The following EIF2AK3 variants were observed in gnomAD, a reference collection of about 807,000 sequenced individuals.
EIF2AK3 encodes the protein eukaryotic translation initiation factor 2 alpha kinase 3.
A neutral mutation model predicts 113.5 loss-of-function variants in EIF2AK3; 50 were observed. The observed-to-expected ratio is 0.44, with a 90% confidence interval of 0.35 to 0.56. EIF2AK3 has a LOEUF of 0.56. Among genes scored for constraint, EIF2AK3 ranks in the 20% least tolerant of loss-of-function variants. The pLI is 0.00. For synonymous variants in EIF2AK3, 448 were observed against 495.4 expected (o/e 0.90, Z 1.27); for missense variants, 1,185 against 1,378.0 (o/e 0.86, Z 2.22).
intron 1 of EIF2AK3, among the ~76,000 whole-genome samples, chr2:88,620,546 C>CATT (rs957554391): frequency 4.5e-4 from 68 of 152,038 alleles, no homozygotes; most frequent in African/African-American, 1.6e-3. Flanking sequence ...ATTTAATTTC[C>CATT]ATTAGGTTAT....
intron 1 of EIF2AK3, among the ~76,000 whole-genome samples, chr2:88,616,707 G>T (rs374984591): frequency 2.6e-4 from 40 of 152,266 alleles, no homozygotes; most frequent in African/African-American, 9.1e-4. Flanking sequence ...GATTACAGGT[G>T]TGATCCCACC....
At chr2:88,565,256 G>A (rs973882503) in intron 14 of EIF2AK3, among the ~76,000 whole-genome samples, 2 of 151,304 alleles carry the variant, frequency 1.3e-5, no homozygotes, top group African/African-American at 4.9e-5. Context: ...GGCTGGTCTC[G>A]AACTCCTGAC....
At position 88,595,633 on chromosome 2, in the gene EIF2AK3, G is replaced by C; in HGVS notation, c.469C>G (p.Leu157Val). ...TCCCACTGGAAGAGGGCTCCATCCAGGGAAGGAATGATCATCTTATTCCCA... is the reference window on the plus strand; with the variant it reads ...TCCCACTGGAAGAGGGCTCCATCCACGGAAGGAATGATCATCTTATTCCCA... ...VFGNKMIIPS[L>V]DGALFQWDQD... The change falls in exon 3 of 17, where the codon CTG becomes GTG. Residue 157 changes from leucine (L) to valine (V), a missense_variant. Physicochemically the swap from Leu to Val is conservative, Grantham distance 32. This residue lies in a region of EIF2AK3 where 119 missense variants were observed against 178.7 expected (regional missense o/e 0.67). Coordinates refer to ENST00000303236, the MANE Select transcript of EIF2AK3 (RefSeq NM_004836.7). The C allele has an allele frequency of 6.2e-7, 1 of 1,613,944 alleles. No individual in the cohort carries two copies. Among genetic ancestry groups the C allele is most frequent in the Non-Finnish European group, 8.5e-7 (1 of 1,179,914 alleles).
At chr2:88,603,100 GC>G (rs1217340219) in intron 2 of EIF2AK3, among the ~76,000 whole-genome samples, 1 of 152,132 alleles carries the variant, frequency 6.6e-6, no homozygotes, top group African/African-American at 2.4e-5. Context: ...TGGGGCAACA[GC>G]ACACATCCAA....
intron 8 of EIF2AK3, among the ~76,000 whole-genome samples, 186 bp downstream of exon 8, chr2:88,587,796 G>T (rs1227272484): frequency 6.6e-6 from 1 of 152,086 alleles, no homozygotes; most frequent in Non-Finnish European, 1.5e-5. Flanking sequence ...GCCCAACCTA[G>T]CATGTGGCAA....
intron 2 of EIF2AK3, among the ~76,000 whole-genome samples, chr2:88,597,030 G>A (rs889344643): frequency 1.3e-5 from 2 of 152,132 alleles, no homozygotes; most frequent in African/African-American, 4.8e-5. Context: ...ACAGGAATAC[G>A]AGAGAAGTAA....
At chr2:88,560,024 C>T (rs1673903202) in intron 15 of EIF2AK3, among the ~76,000 whole-genome samples, 1 of 152,120 alleles carries the variant, frequency 6.6e-6, no homozygotes. Flanking sequence ...AAGGAACTGC[C>T]AGACTGTTTT....
intron 2 of EIF2AK3, among the ~76,000 whole-genome samples, chr2:88,603,745 A>C (rs1026753828): frequency 6.6e-6 from 1 of 152,094 alleles, no homozygotes; most frequent in African/African-American, 2.4e-5. Context: ...ACTTTCTTTC[A>C]AGGTGATTGA....
Position 88,574,705 on chromosome 2 carries a change from C to A in EIF2AK3, c.2778G>T (p.Glu926Asp). The A allele has an allele frequency of 6.2e-7, 1 of 1,614,168 alleles. No individual in the cohort carries two copies. The highest frequency in any genetic ancestry group is 1.3e-5 in the African/African-American group (1 of 75,062). ...HIFLQIAEAV[E>D]FLHSKGLMHR... ...GCATCAGTCCTTTACTGTGAAGAAA[C>A]TCCACTGCCTCTGCGATCTGCAGGA... The change falls in exon 13 of 17, where the codon GAG becomes GAT. Residue 926 changes from glutamate to aspartate, a missense_variant. Glu to Asp is a conservative substitution (Grantham distance 45). Around this residue, in one of 3 missense-constraint regions of EIF2AK3, gnomAD observed 877 missense variants for 1,024.2 expected, o/e 0.86. Transcript: ENST00000303236.
chr2:88,618,185 AAAG>A (rs541717213), intron 1 of EIF2AK3, among the ~76,000 whole-genome samples: 36 of 152,308 alleles, frequency 2.4e-4, no homozygotes, highest in African/African-American at 6.7e-4. Flanking sequence ...CTGTCTCCAG[AAAG>A]AAGAAGAAAC....
rs1455129183 is a variant in EIF2AK3, at chr2:88,627,267, C to A, written c.8G>T (p.Arg3Leu). 2.7e-6 allele frequency: 4 copies of A among 1,485,922 alleles called. No individual in the cohort carries two copies. The highest frequency in any genetic ancestry group is 1.5e-5 in the African/African-American group (1 of 68,646). 92.0% of individuals were successfully genotyped at this position (1,485,922 alleles called of 1,614,324 possible). A position where few individuals can be genotyped will look rare whatever the true frequency, so the allele number is the denominator to read the frequency against. The stretch of plus-strand genomic sequence containing the variant: ...TACCAGCAGCCCCGGGCTGATGGCG[C>A]GCTCCATCAGCGTCCCGCCCCGCGC... Reference protein sequence around the residue: MERAISPGLLVRA... With the variant: MELAISPGLLVRA... The change falls in exon 1 of 17, where the codon CGC (arginine) becomes CTC (leucine). Residue 3 changes from arginine to leucine, a missense_variant. Transcript: ENST00000303236.
intron 14 of EIF2AK3, among the ~76,000 whole-genome samples, chr2:88,568,608 T>C (rs771605590): frequency 6.6e-6 from 1 of 152,230 alleles, no homozygotes; most frequent in Non-Finnish European, 1.5e-5. Flanking sequence ...GTTTGATACC[T>C]TGGATATGCT....
At position 88,557,672 on chromosome 2, in the gene EIF2AK3, G is replaced by T; in HGVS notation, c.*64C>A. The T allele has an allele frequency of 3.9e-6, 6 of 1,556,294 alleles. No individual in the cohort carries two copies. Among genetic ancestry groups the T allele is most frequent in the Non-Finnish European group, 5.3e-6 (6 of 1,127,272 alleles). On this transcript the variant is annotated 3_prime_UTR_variant, in exon 17 of 17. Transcript: ENST00000303236. ...CTTTTCAAGTCTGCAATTTTGGACA[G>T]GCATATTCTAAGAAGTAGGCTATTA...
At chr2:88,559,409 C>T (rs1673877968) in intron 15 of EIF2AK3, among the ~76,000 whole-genome samples, 1 of 151,738 alleles carries the variant, frequency 6.6e-6, no homozygotes, top group Non-Finnish European at 1.5e-5. Flanking sequence ...TATGTAGGTT[C>T]TATACAAATA....
intron 13 of EIF2AK3, 151 bp downstream of exon 13, chr2:88,574,515 A>G (rs1395901102): frequency 1.2e-6 from 1 of 868,776 alleles, no homozygotes; most frequent in African/African-American, 1.7e-5. Context: ...TTCTTGCAGC[A>G]GGCCCCTTCG....
At chr2:88,600,622 G>C (rs1381687351) in intron 2 of EIF2AK3, among the ~76,000 whole-genome samples, 1 of 152,122 alleles carries the variant, frequency 6.6e-6, no homozygotes. Flanking sequence ...GTTTAGTAAA[G>C]TAATTCCGTT....
chr2:88,614,476 A>G (rs1675525650), intron 1 of EIF2AK3, among the ~76,000 whole-genome samples: 1 of 152,160 alleles, frequency 6.6e-6, no homozygotes, highest in Non-Finnish European at 1.5e-5. Context: ...ACCACCTAAC[A>G]TATTTAACAT....
At chr2:88,561,672 T>C (rs760915624) in intron 15 of EIF2AK3, among the ~76,000 whole-genome samples, 5 of 152,096 alleles carry the variant, frequency 3.3e-5, no homozygotes, top group Admixed American at 3.3e-4. Context: ...CTAGACAACA[T>C]AGGCAGAGCC....
At chr2:88,600,269 G>A (rs1675118489) in intron 2 of EIF2AK3, among the ~76,000 whole-genome samples, 1 of 152,162 alleles carries the variant, frequency 6.6e-6, no homozygotes, top group Non-Finnish European at 1.5e-5. Flanking sequence ...ATATATGCAT[G>A]CAGTTCAGGT....
Sources: gnomAD v4.1 joint callset for allele counts (sites outside exome capture counted in the v4.1 genomes callset) on GRCh38, gnomAD v4.1.1 for gene constraint, gnomAD v4.1.1 regional missense constraint, MANE v1.5 for transcripts, NCBI Gene and HGNC (gene_info 2026-07-23, HGNC 2026-07-21) for gene names.